The following PAPOLG variants were observed in gnomAD, a reference collection of about 807,000 sequenced individuals.
PAPOLG encodes PAP-gamma.
PAPOLG carries 40 observed loss-of-function variants against 99.0 expected under a neutral mutation model. That is an observed-to-expected ratio of 0.40 (90% CI 0.31 to 0.53). PAPOLG has a LOEUF of 0.53. Among genes scored for constraint, PAPOLG ranks in the 20% least tolerant of loss-of-function variants. The pLI is 0.41. For synonymous variants in PAPOLG, 310 were observed against 299.3 expected, an observed-to-expected ratio of 1.04 and a Z score of -0.37; for missense variants, 675 against 884.1, an observed-to-expected ratio of 0.76 and a Z score of 3.00.
intron 17 of PAPOLG, among the ~76,000 whole-genome samples, chr2:60,792,907 G>T (rs879935965): frequency 1.3e-5 from 2 of 152,172 alleles, no homozygotes; most frequent in Admixed American, 6.5e-5. Flanking sequence ...GTGGTGGCAT[G>T]TGCCTGTATT....
intron 13 of PAPOLG, among the ~76,000 whole-genome samples, chr2:60,784,580 C>T (rs1226694677): frequency 6.6e-6 from 1 of 152,136 alleles, no homozygotes; most frequent in African/African-American, 2.4e-5. Context: ...TTTATTTTTG[C>T]TTCAAGAGTT....
chr2:60,777,662 G>A (rs1024818691), intron 8 of PAPOLG, among the ~76,000 whole-genome samples: 5 of 152,060 alleles, frequency 3.3e-5, no homozygotes, highest in African/African-American at 1.2e-4. Flanking sequence ...ATCTTTTCTA[G>A]TTTTTGATTT....
chr2:60,756,607 G>T (rs991002971), intron 1 of PAPOLG, 112 bp downstream of exon 1: 6 of 1,207,878 alleles, frequency 5.0e-6, no homozygotes, highest in Non-Finnish European at 6.8e-6. Context: ...GCAGCTCGCC[G>T]GGATGGTCTC....
chr2:60,792,807 G>A (rs373504143), intron 17 of PAPOLG, among the ~76,000 whole-genome samples: 1 of 152,148 alleles, frequency 6.6e-6, no homozygotes, highest in Non-Finnish European at 1.5e-5. Flanking sequence ...AGGCCAAGGC[G>A]GGCAGATCAC....
intron 8 of PAPOLG, among the ~76,000 whole-genome samples, chr2:60,778,641 A>G (rs1671095416): frequency 6.6e-6 from 1 of 152,226 alleles, no homozygotes; most frequent in African/African-American, 2.4e-5. Context: ...AGCTGTTACA[A>G]GTTAAAAAAT....
intron 2 of PAPOLG, among the ~76,000 whole-genome samples, chr2:60,761,129 T>C (rs1204216397): frequency 3.9e-5 from 6 of 152,202 alleles, no homozygotes; most frequent in Non-Finnish European, 8.8e-5. Flanking sequence ...CTTGGCACCT[T>C]GAAGGATGGA....
rs1670594963 is a variant in PAPOLG at position 60,763,840 on chromosome 2, G to C, written c.246+2033G>C. On this transcript the variant is annotated intron_variant, in intron 3 of 21. Transcript: ENST00000238714. ...CTTGTTTGAGACATGGTCTCTCTCTGTTGCCCAGGCTGCAGTGCAGTGGCG... is the reference window on the plus strand; with the variant it reads ...CTTGTTTGAGACATGGTCTCTCTCTCTTGCCCAGGCTGCAGTGCAGTGGCG... Among the ~76,000 whole-genome samples, 3 of 151,980 alleles carry C rather than the reference G, an allele frequency of 2.0e-5. 1 individual carries two copies. The highest frequency in any genetic ancestry group is 7.3e-5 in the African/African-American group (3 of 41,374).
chr2:60,760,107 TTTC>T lies in PAPOLG; in HGVS notation c.18-26_18-24del, dbSNP rs773413510. ...TATGGTATATACTTTAAATTTTTTGTTTCATTTTTCTTATTTTCTTGAACAGAA... is the reference window on the plus strand; with the variant it reads ...TATGGTATATACTTTAAATTTTTTGTATTTTTCTTATTTTCTTGAACAGAA... On this transcript the variant is annotated intron_variant, in intron 1 of 21. Coordinates refer to ENST00000238714, the MANE Select transcript of PAPOLG (RefSeq NM_022894.4). 24 of 1,604,588 alleles carry T rather than the reference TTTC, an allele frequency of 1.5e-5. No homozygotes were observed. The East Asian group carries it at 4.9e-4, about 33-fold the overall frequency.
Position 60,792,274 on chromosome 2 carries a change from T to C in PAPOLG, c.1664T>C (p.Val555Ala), listed in dbSNP as rs1671562704. 2 of 1,602,810 alleles carry C rather than the reference T, an allele frequency of 1.2e-6. No homozygotes were observed. The highest frequency in any genetic ancestry group is 1.7e-6 in the Non-Finnish European group (2 of 1,176,878). Reference sequence around the variant, plus strand: ...GCGTCCAAGTCTGATAGCCCTTCTGTAGGAGAAACAGAAAGGTCTGTCTTT... The same window carrying C: ...GCGTCCAAGTCTGATAGCCCTTCTGCAGGAGAAACAGAAAGGTCTGTCTTT... ...SPASKSDSPS[V>A]GETERNSAEP... The change falls in exon 17 of 22, where the codon GTA becomes GCA. Residue 555 changes from valine (V) to alanine (A), a missense_variant. Val to Ala is a moderately conservative substitution (Grantham distance 64). Transcript: ENST00000238714.
At chr2:60,759,252 C>T (rs1017821252) in intron 1 of PAPOLG, among the ~76,000 whole-genome samples, 1 of 151,924 alleles carries the variant, frequency 6.6e-6, no homozygotes, top group Non-Finnish European at 1.5e-5. Flanking sequence ...CCTGTAATCC[C>T]AGCTACTTGG....
At chr2:60,778,951 G>GC (rs1671108189) in intron 8 of PAPOLG, among the ~76,000 whole-genome samples, 1 of 152,036 alleles carries the variant, frequency 6.6e-6, no homozygotes, top group Non-Finnish European at 1.5e-5. Context: ...TGACAACCAT[G>GC]GTGGTGCACC....
rs867025903 is a variant in PAPOLG, at chr2:60,794,005, C to A, written c.1803C>A (p.Pro601=). 4 of 1,612,242 alleles carry A rather than the reference C, an allele frequency of 2.5e-6. No homozygotes were observed. In the Middle Eastern group the frequency reaches 6.6e-4, roughly 266 times the overall value. Residue 601 remains proline, a synonymous_variant, in exon 19 of 22, where the codon CCC becomes CCA. Transcript: ENST00000238714. ...VDSTVKTVSP[P]TVCTIPTVVG... ...CTACAGTAAAAACTGTATCACCCCCCACTGTGTGTACCATTCCTACCGTAG... is the reference window on the plus strand; with the variant it reads ...CTACAGTAAAAACTGTATCACCCCCAACTGTGTGTACCATTCCTACCGTAG...
intron 10 of PAPOLG, 95 bp downstream of exon 10, chr2:60,780,874 G>A (rs1050196803): frequency 3.0e-6 from 3 of 1,006,358 alleles, no homozygotes; most frequent in Admixed American, 1.9e-5. Flanking sequence ...TCTTGTCTCT[G>A]TTCTTCCTTC....
At chr2:60,775,977 C>A (rs1293793689) in intron 8 of PAPOLG, among the ~76,000 whole-genome samples, 4 of 152,120 alleles carry the variant, frequency 2.6e-5, no homozygotes, top group African/African-American at 4.8e-5. Flanking sequence ...GTTTGTCAGG[C>A]TGGTCTCCAA....
In PAPOLG at chr2:60,760,266, G is replaced by A. The variant is rs1266096232; in HGVS notation, c.150G>A (p.Val50=). ...TTGACGCCATGAAACCATTTGGAGT[G>A]TTTGAAGATGAGGAAGAATTGAACC... The part of the protein sequence containing the change: ...KLIDAMKPFG[V]FEDEEELNHR... The change falls in exon 2 of 22, where the codon GTG becomes GTA. Residue 50 remains valine (V), a synonymous_variant. Transcript: ENST00000238714. 1.9e-6 allele frequency: 3 copies of A among 1,613,478 alleles called. No individual in the cohort carries two copies. The highest frequency in any genetic ancestry group is 1.3e-5 in the African/African-American group (1 of 74,898).
At chr2:60,790,011 T>C (rs1671482437) in intron 15 of PAPOLG, among the ~76,000 whole-genome samples, 1 of 152,166 alleles carries the variant, frequency 6.6e-6, no homozygotes, top group Admixed American at 6.6e-5. Flanking sequence ...GGAGAATCGC[T>C]TGAACCTGGG....
At chr2:60,783,040 G>T (rs1671240528) in intron 12 of PAPOLG, 116 bp from the exon 13 acceptor site, 1 of 961,342 alleles carries the variant, frequency 1.0e-6, no homozygotes, top group Non-Finnish European at 1.5e-6. Flanking sequence ...CATAAACTGT[G>T]TGCCTTTATT....
At chr2:60,784,553 C>G (rs558333128) in intron 13 of PAPOLG, among the ~76,000 whole-genome samples, 1 of 152,226 alleles carries the variant, frequency 6.6e-6, no homozygotes, top group South Asian at 2.1e-4. Context: ...TCTGGAAAAG[C>G]AAAACAGCAA....
At chr2:60,782,644 ATTC>A (rs761245210) in intron 11 of PAPOLG, 39 bp from the exon 12 acceptor site, 57 of 1,372,196 alleles carry the variant, frequency 4.2e-5, no homozygotes, top group Admixed American at 2.5e-4. Flanking sequence ...TTTCAAAATC[ATTC>A]TTCTTCTTTT....
Sources: allele counts gnomAD v4.1 joint callset (sites outside exome capture counted in the v4.1 genomes callset), GRCh38; gene constraint gnomAD v4.1.1; transcripts MANE v1.5; gene names NCBI Gene and HGNC (gene_info 2026-07-23, HGNC 2026-07-21).